RGS7: variants seen among roughly 807,000 people sequenced by gnomAD.
The protein encoded by RGS7 is regulator of G protein signaling 7.
In RGS7, 27 loss-of-function variants were observed where a neutral mutation model predicts 81.1. That is an observed-to-expected ratio of 0.33 (90% confidence interval 0.25 to 0.46). RGS7 has a LOEUF of 0.46. Ranked by LOEUF, RGS7 falls within the 20% of genes least tolerant of loss-of-function variation. The pLI is 1.00. For synonymous variants in RGS7, 208 were observed against 207.7 expected, an observed-to-expected ratio of 1.00 and a Z score of -0.01; for missense variants, 396 against 607.4, an observed-to-expected ratio of 0.65 and a Z score of 3.66.
chr1:241,071,896 CAAGA>C (rs1383373624), intron 3 of RGS7, among the ~76,000 whole-genome samples: 3 of 72,916 alleles, frequency 4.1e-5, no homozygotes, highest in East Asian at 4.5e-4. Context: ...AAAAAAAAAA[CAAGA>C]AAGAAAGAAG....
At chr1:241,011,631 G>T (rs1189831551) in intron 3 of RGS7, among the ~76,000 whole-genome samples, 2 of 152,118 alleles carry the variant, frequency 1.3e-5, no homozygotes, top group Admixed American at 1.3e-4. Flanking sequence ...ACAAAGTTAG[G>T]TATTCCTAGC....
intron 3 of RGS7, chr1:240,998,808 G>T: frequency 1.6e-6 from 1 of 637,050 alleles, no homozygotes; most frequent in Non-Finnish European, 3.0e-6. Flanking sequence ...ACGGGTGAGT[G>T]TGGGGCTGGC....
intron 2 of RGS7, among the ~76,000 whole-genome samples, chr1:241,286,160 C>T (rs1320979658): frequency 1.3e-5 from 2 of 152,178 alleles, no homozygotes; most frequent in African/African-American, 4.8e-5. Flanking sequence ...TCACCTCCAT[C>T]ACTTTCAATA....
At chr1:240,961,512 A>C (rs1164812088) in intron 4 of RGS7, among the ~76,000 whole-genome samples, 2 of 152,218 alleles carry the variant, frequency 1.3e-5, no homozygotes, top group Non-Finnish European at 2.9e-5. Flanking sequence ...ACTTCAAATG[A>C]AAATTGCTTT....
chr1:241,327,324 G>A (rs1022165782), intron 2 of RGS7, among the ~76,000 whole-genome samples: 3 of 151,962 alleles, frequency 2.0e-5, no homozygotes, highest in Non-Finnish European at 4.4e-5. Flanking sequence ...TATAGCACCT[G>A]AAATAAACTT....
intron 3 of RGS7, among the ~76,000 whole-genome samples, chr1:241,063,047 A>G (rs886703556): frequency 1.3e-5 from 2 of 152,154 alleles, no homozygotes; most frequent in South Asian, 4.1e-4. Flanking sequence ...TGAGGTGTTC[A>G]TTTCAACCCT....
chr1:241,288,411 G>A (rs1216868055), intron 2 of RGS7, among the ~76,000 whole-genome samples: 1 of 152,188 alleles, frequency 6.6e-6, no homozygotes, highest in South Asian at 2.1e-4. Flanking sequence ...AGTGGGTATG[G>A]AGACCAAGTA....
At chr1:241,285,061 G>A (rs185927210) in intron 2 of RGS7, among the ~76,000 whole-genome samples, 41 of 152,068 alleles carry the variant, frequency 2.7e-4, no homozygotes, top group East Asian at 3.9e-4. Flanking sequence ...TAGTAGAGAC[G>A]GGGTTTCACC....
At chr1:241,007,897 G>A (rs564023032) in intron 3 of RGS7, among the ~76,000 whole-genome samples, 3 of 152,278 alleles carry the variant, frequency 2.0e-5, no homozygotes, top group Non-Finnish European at 2.9e-5. Flanking sequence ...GGGCACATGC[G>A]CACAGGGACA....
At chr1:241,120,653 T>C (rs74150218) in intron 2 of RGS7, among the ~76,000 whole-genome samples, 2,620 of 152,240 alleles carry the variant, frequency 0.017, 73 homozygotes, top group African/African-American at 0.06. Flanking sequence ...GCCTAAACTG[T>C]GAAATTCTTA....
rs1345612268 is a variant in RGS7, at chr1:241,197,316, G to A, written c.79-98554C>T. ...GTCGCCCAGGCTGGAGTGCAGTGGC[G>A]GGATCTCGGCTCACTGCAAGCTCCG... On this transcript the variant is annotated intron_variant, in intron 2 of 18. Coordinates refer to ENST00000440928, the MANE Select transcript of RGS7 (RefSeq NM_001364886.1). 3.7e-4 allele frequency among the ~76,000 whole-genome samples: 2 copies of A among 5,356 alleles called. 1 individual carries two copies. The highest frequency in any genetic ancestry group is 1.0e-3 in the Non-Finnish European group (2 of 1,912). 3.5% of individuals were successfully genotyped at this position (5,356 alleles called of 152,430 possible). A position where few individuals can be genotyped will look rare whatever the true frequency, so the allele number is the denominator to read the frequency against.
chr1:241,113,816 C>A (rs2065700051), intron 2 of RGS7, among the ~76,000 whole-genome samples: 1 of 152,154 alleles, frequency 6.6e-6, no homozygotes, highest in Non-Finnish European at 1.5e-5. Flanking sequence ...TCTGTGCAAA[C>A]TCTGAGATGA....
At chr1:240,823,818 C>G (rs1480025712) in intron 10 of RGS7, among the ~76,000 whole-genome samples, 1 of 138,460 alleles carries the variant, frequency 7.2e-6, no homozygotes, top group Non-Finnish European at 1.6e-5. Context: ...TCTCCCCCCT[C>G]CCGCCCCCCA....
chr1:240,892,583 G>A (rs1280862744), intron 6 of RGS7, among the ~76,000 whole-genome samples: 1 of 151,930 alleles, frequency 6.6e-6, no homozygotes, highest in South Asian at 2.1e-4. Flanking sequence ...TGGGCCTAGG[G>A]GTTTCTCCAT....
intron 3 of RGS7, among the ~76,000 whole-genome samples, chr1:240,984,761 A>T (rs564719212): frequency 2.0e-4 from 31 of 152,298 alleles, no homozygotes; most frequent in African/African-American, 7.2e-4. Context: ...TTGGCAAATT[A>T]ATTACATTAA....
chr1:241,031,010 T>G (rs2060058081), intron 3 of RGS7, among the ~76,000 whole-genome samples: 1 of 152,180 alleles, frequency 6.6e-6, no homozygotes, highest in East Asian at 1.9e-4. Flanking sequence ...AAGTGCAGTT[T>G]TGTTACATGG....
intron 9 of RGS7, among the ~76,000 whole-genome samples, chr1:240,850,890 C>A (rs1659981357): frequency 1.3e-5 from 2 of 151,978 alleles, no homozygotes; most frequent in African/African-American, 4.8e-5. Context: ...GTCATCAATT[C>A]TATGAAGACT....
chr1:240,953,753 C>T (rs1052202516), intron 4 of RGS7, among the ~76,000 whole-genome samples: 5 of 151,834 alleles, frequency 3.3e-5, no homozygotes, highest in South Asian at 4.1e-4. Context: ...AATAAAATTA[C>T]ATCAGAAATC....
chr1:241,087,413 T>C (rs772823563), intron 3 of RGS7, among the ~76,000 whole-genome samples: 1 of 152,210 alleles, frequency 6.6e-6, no homozygotes, highest in Non-Finnish European at 1.5e-5. Flanking sequence ...AGTGACCATA[T>C]GAATGCAAAT....
Sources: allele counts gnomAD v4.1 joint callset (sites outside exome capture counted in the v4.1 genomes callset), GRCh38; gene constraint gnomAD v4.1.1; transcripts MANE v1.5; gene names NCBI Gene and HGNC (gene_info 2026-07-23, HGNC 2026-07-21).